TMEM217B: variants seen among roughly 807,000 people sequenced by gnomAD.
TMEM217B encodes the protein putative transmembrane protein 217B.
chr6:37,238,600 T>G, the TMEM217B span, among the ~76,000 whole-genome samples: 1 of 152,188 alleles, frequency 6.6e-6, no homozygotes, highest in Non-Finnish European at 1.5e-5. Context: ...CTTTTGCCTT[T>G]CCTGGTAAGA....
At chr6:37,246,394 C>A in the TMEM217B span, among the ~76,000 whole-genome samples, 1 of 152,148 alleles carries the variant, frequency 6.6e-6, no homozygotes, top group Non-Finnish European at 1.5e-5. Flanking sequence ...ATAGTGCAGG[C>A]ATGGGAGTGG....
At chr6:37,219,732 CA>C in the TMEM217B span, among the ~76,000 whole-genome samples, 90 of 145,138 alleles carry the variant, frequency 6.2e-4, no homozygotes, top group Middle Eastern at 3.5e-3. Context: ...ACCCTATATC[CA>C]AAAAAAAAAA....
the TMEM217B span, among the ~76,000 whole-genome samples, chr6:37,252,609 ATGTG>A: frequency 0.038 from 1,366 of 36,072 alleles, 23 homozygotes; most frequent in African/African-American, 0.13. Context: ...GTGTGTGTGT[ATGTG>A]TGTGTATATA....
the TMEM217B span, among the ~76,000 whole-genome samples, chr6:37,236,438 C>T: frequency 6.6e-6 from 1 of 152,066 alleles, no homozygotes; most frequent in Non-Finnish European, 1.5e-5. Context: ...CTCCCAGGTT[C>T]AATCCTGGGG....
chr6:37,227,174 A>G, the TMEM217B span, among the ~76,000 whole-genome samples: 3 of 152,198 alleles, frequency 2.0e-5, no homozygotes, highest in African/African-American at 4.8e-5. Flanking sequence ...CACTGAGCCC[A>G]GAGACTCCAT....
chr6:37,230,879 A>G, the TMEM217B span, among the ~76,000 whole-genome samples: 13 of 152,070 alleles, frequency 8.5e-5, no homozygotes, highest in Admixed American at 8.5e-4. Context: ...AATTTTTTTG[A>G]GAAGGGTTTT....
chr6:37,217,125 C>A, the TMEM217B span, among the ~76,000 whole-genome samples: 45 of 152,338 alleles, frequency 3.0e-4, no homozygotes, highest in African/African-American at 1.0e-3. Flanking sequence ...GAAACCCCGT[C>A]TCTACTAAAA....
chr6:37,249,079 G>C, the TMEM217B span, among the ~76,000 whole-genome samples: 1 of 152,088 alleles, frequency 6.6e-6, no homozygotes, highest in Admixed American at 6.5e-5. Context: ...CATTGGATTT[G>C]AGACCCAGCC....
chr6:37,234,264 T>TA, the TMEM217B span, among the ~76,000 whole-genome samples: 4 of 152,116 alleles, frequency 2.6e-5, no homozygotes, highest in African/African-American at 9.7e-5. Flanking sequence ...CACACCCAGC[T>TA]AACTTTTGTA....
chr6:37,248,595 T>C, the TMEM217B span, among the ~76,000 whole-genome samples: 1 of 152,196 alleles, frequency 6.6e-6, no homozygotes, highest in Admixed American at 6.5e-5. Context: ...CAGGCAAGCC[T>C]CTTCCTCTCT....
At chr6:37,216,335 T>C in the TMEM217B span, among the ~76,000 whole-genome samples, 1 of 152,110 alleles carries the variant, frequency 6.6e-6, no homozygotes, top group African/African-American at 2.4e-5. Flanking sequence ...CGCTTTGGCC[T>C]CCAAAAGTAT....
chr6:37,221,354 T>G, the TMEM217B span, among the ~76,000 whole-genome samples: 6 of 151,988 alleles, frequency 3.9e-5, no homozygotes, highest in Non-Finnish European at 8.8e-5. Context: ...ACCTGGCTAA[T>G]TTTTGTATTT....
the TMEM217B span, chr6:37,257,437 C>G: frequency 6.5e-6 from 1 of 153,744 alleles, no homozygotes; most frequent in African/African-American, 2.4e-5. Context: ...TGGGCCCTTA[C>G]TTTTAGGTGA....
chr6:37,243,408 C>T, the TMEM217B span, among the ~76,000 whole-genome samples: 3 of 152,212 alleles, frequency 2.0e-5, no homozygotes, highest in African/African-American at 7.2e-5. Context: ...AGGTCATGTT[C>T]TCCCTGTCCT....
chr6:37,231,457 G>A, the TMEM217B span, among the ~76,000 whole-genome samples: 1 of 150,558 alleles, frequency 6.6e-6, no homozygotes, highest in East Asian at 2.0e-4. Flanking sequence ...GGCGGATCAT[G>A]AGGTCAGGAG....
chr6:37,215,152 C>A, the TMEM217B span: 2 of 1,602,448 alleles, frequency 1.2e-6, no homozygotes, highest in Non-Finnish European at 1.7e-6. Context: ...TCCCTTTCTG[C>A]CGCTAGCCAA....
At chr6:37,254,734 G>A in the TMEM217B span, among the ~76,000 whole-genome samples, 2 of 152,160 alleles carry the variant, frequency 1.3e-5, no homozygotes, top group Admixed American at 6.5e-5. Context: ...TATTCTAGGT[G>A]CTGGGGATAC....
the TMEM217B span, among the ~76,000 whole-genome samples, chr6:37,249,632 T>C: frequency 6.6e-6 from 1 of 152,208 alleles, no homozygotes; most frequent in Non-Finnish European, 1.5e-5. Context: ...AAGGAAGATT[T>C]CTATGTGACT....
At chr6:37,214,963 C>T in the TMEM217B span, among the ~76,000 whole-genome samples, 16 of 152,340 alleles carry the variant, frequency 1.1e-4, no homozygotes, top group African/African-American at 3.6e-4. Context: ...GGGTACTCAC[C>T]TGAATTGTCT....
Sources: gnomAD v4.1 joint callset for allele counts (sites outside exome capture counted in the v4.1 genomes callset) on GRCh38, gnomAD v4.1.1 for gene constraint, MANE v1.5 for transcripts, NCBI Gene and HGNC (gene_info 2026-07-23, HGNC 2026-07-21) for gene names.